Variants in IFT122 observed in about 807,000 individuals in gnomAD.
The protein encoded by IFT122 is intraflagellar transport 122, also known as intraflagellar transport protein 122 homolog.
Under a neutral mutation model 161.6 loss-of-function variants are expected in IFT122, and 118 were observed. That is an observed-to-expected ratio of 0.73 (90% CI 0.63 to 0.85). The LOEUF is 0.85. Among genes scored for constraint, IFT122 ranks in the 40% least tolerant of loss-of-function variants. The pLI is 0.00. For missense variants in IFT122, 1,381 were observed against 1,579.6 expected, an observed-to-expected ratio of 0.87 and a Z score of 2.13; for synonymous variants, 550 against 602.4, an observed-to-expected ratio of 0.91 and a Z score of 1.27.
intron 13 of IFT122, among the ~76,000 whole-genome samples, chr3:129,480,517 G>T (rs1259910740): frequency 6.6e-6 from 1 of 152,254 alleles, no homozygotes; most frequent in East Asian, 1.9e-4. Context: ...CAATGTAGCT[G>T]CATTAGCCTG....
At chr3:129,496,458 A>G (rs1331135715) in intron 18 of IFT122, among the ~76,000 whole-genome samples, 2 of 152,210 alleles carry the variant, frequency 1.3e-5, no homozygotes, top group African/African-American at 2.4e-5. Flanking sequence ...GGCTCTCAGT[A>G]TGTTATGAAG....
intron 13 of IFT122, among the ~76,000 whole-genome samples, chr3:129,480,472 T>A (rs2078513604): frequency 6.6e-6 from 1 of 152,228 alleles, no homozygotes. Flanking sequence ...TAAGAAAAGT[T>A]CTAAGTAGGC....
chr3:129,443,682 G>A (rs892814753), intron 1 of IFT122, among the ~76,000 whole-genome samples: 16 of 152,202 alleles, frequency 1.1e-4, no homozygotes, highest in Admixed American at 5.2e-4. Flanking sequence ...AAAGGGGCAA[G>A]GCAAGATAAT....
intron 3 of IFT122, chr3:129,456,190 C>T (rs1326961344): frequency 1.2e-5 from 15 of 1,241,726 alleles, no homozygotes; most frequent in South Asian, 7.5e-5. Context: ...GACCCAGAGA[C>T]TCTGAGCCCA....
At position 129,480,035 on chromosome 3, in the gene IFT122, C is replaced by A. The variant is rs890524268; in HGVS notation, c.1488+113C>A. The A allele has an allele frequency of 3.0e-6, 4 of 1,313,922 alleles. No individual in the cohort carries two copies. In the African/African-American group the frequency reaches 5.8e-5, roughly 19 times the overall value. The allele number at this position is 1,313,922 out of a possible 1,614,324, so 81.4% of individuals were successfully genotyped here. ...TCAGGGCAGGAAAAGGGCTTCTCTC[C>A]TCCATGGGTGAATTGTGGGGCAGCC... On this transcript the variant is annotated intron_variant, in intron 13 of 29. Coordinates refer to ENST00000348417, the MANE Select transcript of IFT122 (RefSeq NM_052989.3).
intron 15 of IFT122, among the ~76,000 whole-genome samples, chr3:129,486,283 C>A (rs192387327): frequency 3.2e-4 from 48 of 152,328 alleles, no homozygotes; most frequent in Non-Finnish European, 6.3e-4. Flanking sequence ...CACCAGCTTT[C>A]AGTCCTGACT....
At chr3:129,483,333 T>G in intron 14 of IFT122, 152 bp from the exon 15 acceptor site, 1 of 712,712 alleles carries the variant, frequency 1.4e-6, no homozygotes, top group East Asian at 2.7e-5. Context: ...CTCTGTTCAT[T>G]TCTTTGTGGT....
At chr3:129,513,308 C>G (rs1262466351) in intron 24 of IFT122, 1 of 152,306 alleles carries the variant, frequency 6.6e-6, no homozygotes, top group East Asian at 1.9e-4. Context: ...TCACTGTACT[C>G]TCAGCTCCTT....
At chr3:129,445,596 T>C (rs947367238) in intron 1 of IFT122, among the ~76,000 whole-genome samples, 1 of 152,228 alleles carries the variant, frequency 6.6e-6, no homozygotes, top group African/African-American at 2.4e-5. Flanking sequence ...AGATTTGACA[T>C]ACTTGGCAGT....
At position 129,495,477 on chromosome 3, in the gene IFT122, A is replaced by G; in HGVS notation, c.2078A>G (p.Asp693Gly). 6.2e-7 allele frequency: 1 copy of G among 1,614,166 alleles called. No individual in the cohort carries two copies. ...AAGAAGCGGGGAGAGACCAACAATG[A>G]CCTGTTTCTGGCAGATGTGTTTTCC... Reference protein sequence around the residue: ...ERKKRGETNNDLFLADVFSYQ... With the variant: ...ERKKRGETNNGLFLADVFSYQ... Residue 693 changes from aspartate (D) to glycine (G), a missense_variant, in exon 18 of 30, where the codon GAC becomes GGC. Asp to Gly is a moderately conservative substitution (Grantham distance 94). Coordinates refer to ENST00000348417, the MANE Select transcript of IFT122 (RefSeq NM_052989.3).
chr3:129,451,701 C>T (rs962079168), intron 2 of IFT122, among the ~76,000 whole-genome samples: 10 of 152,144 alleles, frequency 6.6e-5, no homozygotes, highest in African/African-American at 9.7e-5. Flanking sequence ...GTAGTATATT[C>T]CTGGTCACAT....
rs139945948 is a variant in IFT122 at position 129,458,643 on chromosome 3, T to C, written c.238T>C (p.Trp80Arg). 19 of 1,613,990 alleles carry C rather than the reference T, an allele frequency of 1.2e-5. No homozygotes were observed. The highest frequency in any genetic ancestry group is 1.5e-5 in the Non-Finnish European group (18 of 1,179,970). ...SGSADKSVII[W>R]TSKLEGILKY... ...ATCAGCTGACAAAAGCGTTATTATC[T>C]GGACATCAAAACTGGAAGGCATTCT... is the stretch of plus-strand genomic sequence containing the variant. Residue 80 changes from tryptophan (W) to arginine (R), a missense_variant, in exon 4 of 30, where the codon TGG (tryptophan) becomes CGG (arginine). Trp to Arg is a moderately radical substitution (Grantham distance 101). This residue lies in a region of IFT122 where 134 missense variants were observed against 137.4 expected (regional missense o/e 0.98). Transcript: ENST00000348417.
chr3:129,507,574 A>G (rs2108589850), intron 22 of IFT122, 94 bp from the exon 23 acceptor site: 1 of 941,754 alleles, frequency 1.1e-6, no homozygotes, highest in South Asian at 1.3e-5. Flanking sequence ...TGATGCTGGG[A>G]AAAGTACTGT....
intron 24 of IFT122, chr3:129,514,102 C>T (rs936993344): frequency 6.3e-6 from 3 of 476,094 alleles, no homozygotes; most frequent in Middle Eastern, 3.1e-4. Context: ...GCCATTTTGG[C>T]CTAGTCAGGG....
rs185936005 is a variant in IFT122 at position 129,483,971 on chromosome 3, A to G, written c.1851+289A>G. 3 of 476,300 alleles carry G rather than the reference A, an allele frequency of 6.3e-6. No homozygotes were observed. The Admixed American group carries it at 9.9e-5, about 16-fold the overall frequency. 29.5% of individuals were successfully genotyped at this position (476,300 alleles called of 1,614,324 possible). On this transcript the variant is annotated intron_variant, in intron 15 of 29. Coordinates refer to ENST00000348417, the MANE Select transcript of IFT122 (RefSeq NM_052989.3). ...GTTGTCAGCAGCGTGTGTTTTGCAG[A>G]GAGCCCAGCGTGGGGCCGAATGGAG...
At chr3:129,497,146 G>A (rs1440279551) in intron 18 of IFT122, among the ~76,000 whole-genome samples, 2 of 152,202 alleles carry the variant, frequency 1.3e-5, no homozygotes. Context: ...GCTGGTGCCT[G>A]TAGTCCCAGC....
intron 7 of IFT122, among the ~76,000 whole-genome samples, chr3:129,466,282 A>T (rs1021160964): frequency 6.6e-6 from 1 of 151,454 alleles, no homozygotes; most frequent in African/African-American, 2.4e-5. Flanking sequence ...TTCCTGAATA[A>T]TTTTTTTTGG....
intron 8 of IFT122, among the ~76,000 whole-genome samples, chr3:129,467,443 G>A (rs575884458): frequency 6.6e-6 from 1 of 151,980 alleles, no homozygotes; most frequent in African/African-American, 2.4e-5. Context: ...ACCCTTTCCA[G>A]TAACATTACA....
At chr3:129,461,372 A>C (rs1422975357) in intron 5 of IFT122, 68 bp downstream of exon 5, 1 of 1,101,946 alleles carries the variant, frequency 9.1e-7, no homozygotes, top group Admixed American at 1.7e-5. Context: ...GCTAAAATGC[A>C]TTCAGAATAT....
Sources: allele counts gnomAD v4.1 joint callset (sites outside exome capture counted in the v4.1 genomes callset), GRCh38; gene constraint gnomAD v4.1.1; regional missense constraint gnomAD v4.1.1; transcripts MANE v1.5; gene names NCBI Gene and HGNC (gene_info 2026-07-23, HGNC 2026-07-21).